Variants in SMO observed in about 807,000 individuals in gnomAD.
SMO encodes smoothened, frizzled class receptor.
SMO carries 40 observed loss-of-function variants against 81.6 expected under a neutral mutation model. The observed-to-expected ratio is 0.49, with a 90% confidence interval of 0.38 to 0.64. SMO has a LOEUF of 0.64. SMO is among the 30% of genes least tolerant of loss of function. The probability of loss-of-function intolerance (pLI) is 0.00; values close to 1 mark genes in which losing one functional copy is unlikely to be tolerated. For missense variants in SMO, 916 were observed against 1,061.1 expected (o/e 0.86, Z 1.90); for synonymous variants, 434 against 432.1 (o/e 1.00, Z -0.05).
Position 129,205,353 on chromosome 7 carries a change from A to G in SMO, c.688A>G (p.Met230Val), listed in dbSNP as rs1461296028. The G allele has an allele frequency of 1.2e-6, 2 of 1,613,968 alleles. No homozygotes were observed. Among genetic ancestry groups the G allele is most frequent in the Middle Eastern group, 1.6e-4 (1 of 6,062 alleles). ...PLFTEAEHQDMHSYIAAFGAV... is the reference protein window; with the variant it reads ...PLFTEAEHQDVHSYIAAFGAV... ...CTTCACAGAGGCTGAGCACCAGGACATGCACAGCTACATCGCGGCCTTCGG... is the reference window on the plus strand; with the variant it reads ...CTTCACAGAGGCTGAGCACCAGGACGTGCACAGCTACATCGCGGCCTTCGG... Residue 230 changes from methionine (M) to valine (V), a missense_variant, in exon 3 of 12, where the codon ATG becomes GTG. Coordinates refer to ENST00000249373, the MANE Select transcript of SMO (RefSeq NM_005631.5).
chr7:129,188,961 T>C lies in SMO; in HGVS notation c.-191T>C. On this transcript the variant is annotated 5_prime_UTR_variant, in exon 1 of 12. Coordinates refer to ENST00000249373, the MANE Select transcript of SMO (RefSeq NM_005631.5). This position sits in a 1 kb window ranked among gnomAD's most constrained non-coding sequence, Gnocchi z 4.9. ...CCGCAGCCCAACATGGGCCCCGGGT[T>C]CCAAAGTTTGCGAAGTTGGGCGCCG... 1 of 382,782 alleles carries C rather than the reference T, an allele frequency of 2.6e-6. No individual in the cohort carries two copies. The highest frequency in any genetic ancestry group is 3.9e-5 in the East Asian group (1 of 25,486). The allele number at this position is 382,782 out of a possible 1,614,324, so 23.7% of individuals were successfully genotyped here.
At chr7:129,196,278 GTTAC>G (rs1167764290) in intron 1 of SMO, among the ~76,000 whole-genome samples, 2 of 151,358 alleles carry the variant, frequency 1.3e-5, no homozygotes, top group Non-Finnish European at 2.9e-5. Flanking sequence ...GGGTAAGAAT[GTTAC>G]TTACAGAATA....
At chr7:129,199,862 A>C in intron 1 of SMO, among the ~76,000 whole-genome samples, 1 of 152,252 alleles carries the variant, frequency 6.6e-6, no homozygotes, top group Admixed American at 6.5e-5. Context: ...ACAGTGATAA[A>C]GATCAAAACA....
chr7:129,203,317 G>GTCTCCTCCCAA, intron 1 of SMO, 67 bp from the exon 2 acceptor site: 1 of 1,225,158 alleles, frequency 8.2e-7, no homozygotes, highest in Admixed American at 2.0e-5. Context: ...TGGAGGACAG[G>GTCTCCTCCCAA]GGTGAAGCTG....
Position 129,211,297 on chromosome 7 carries a change from C to G in SMO, c.1801+184C>G, listed in dbSNP as rs571015470. ...CTCCTACCCTCTGGGGGGCTCTCCC[C>G]TCTCTGTTTCTGCCCCTGGGTCTGC... On this transcript the variant is annotated intron_variant, in intron 10 of 11. Transcript: ENST00000249373. The surrounding 1 kb of genome is among the most constrained non-coding windows in gnomAD (Gnocchi z 4.6). 2.6e-6 allele frequency: 2 copies of G among 755,806 alleles called. No individual in the cohort carries two copies. Among genetic ancestry groups the G allele is most frequent in the African/African-American group, 3.4e-5 (2 of 58,268 alleles). 46.8% of individuals were successfully genotyped at this position (755,806 alleles called of 1,614,324 possible).
At chr7:129,204,866 C>T (rs911813263) in intron 2 of SMO, among the ~76,000 whole-genome samples, 20 of 145,332 alleles carry the variant, frequency 1.4e-4, no homozygotes, top group African/African-American at 4.8e-4. Context: ...AAAATTTAGC[C>T]GGGTGTGGTG....
At chr7:129,195,811 T>G (rs1440979870) in intron 1 of SMO, among the ~76,000 whole-genome samples, 1 of 152,238 alleles carries the variant, frequency 6.6e-6, no homozygotes, top group South Asian at 2.1e-4. Flanking sequence ...ATTAACATTA[T>G]GTACTGTGGG....
In SMO at chr7:129,210,521, T is replaced by G; in HGVS notation, c.1625T>G (p.Leu542Arg). The G allele has an allele frequency of 6.2e-7, 1 of 1,614,166 alleles. No individual in the cohort carries two copies. The highest frequency in any genetic ancestry group is 8.5e-7 in the Non-Finnish European group (1 of 1,179,984). The change falls in exon 9 of 12, where the codon CTG becomes CGG. Residue 542 changes from leucine to arginine, a missense_variant. This residue lies in a region of SMO where 436 missense variants were observed against 570.9 expected (regional missense o/e 0.76). Coordinates refer to ENST00000249373, the MANE Select transcript of SMO (RefSeq NM_005631.5). The surrounding 1 kb of genome is among the most constrained non-coding windows in gnomAD (Gnocchi z 4.7). Reference sequence around the variant, plus strand: ...ACCTGGGTCTGGACCAAGGCCACGCTGCTCATCTGGAGGCGTACCTGGTGC... The same window carrying G: ...ACCTGGGTCTGGACCAAGGCCACGCGGCTCATCTGGAGGCGTACCTGGTGC... ...MSTWVWTKATLLIWRRTWCRL... is the reference protein window; with the variant it reads ...MSTWVWTKATRLIWRRTWCRL...
chr7:129,206,352 A>G lies in SMO; in HGVS notation c.1123A>G (p.Ile375Val), dbSNP rs957422674. ...ACTCCCCTTTGTCCTCACTGTGGCA[A>G]TCCTTGCTGTGGCGCAGGTATAGTG... ...WSLPFVLTVA[I>V]LAVAQVDGDS... Residue 375 changes from isoleucine to valine, a missense_variant, in exon 5 of 12, where the codon ATC becomes GTC. Around this residue, in one of 4 missense-constraint regions of SMO, gnomAD observed 436 missense variants for 570.9 expected, o/e 0.76. Coordinates refer to ENST00000249373, the MANE Select transcript of SMO (RefSeq NM_005631.5). The surrounding 1 kb of genome is among the most constrained non-coding windows in gnomAD (Gnocchi z 4.4). The G allele has an allele frequency of 5.0e-6, 8 of 1,613,942 alleles. No homozygotes were observed. In the African/African-American group the frequency reaches 9.3e-5, roughly 19 times the overall value.
rs1319274889 is a variant in SMO, at chr7:129,189,323, C to A, written c.172C>A (p.Pro58Thr). 31 of 1,502,164 alleles carry A rather than the reference C, an allele frequency of 2.1e-5. No homozygotes were observed. The highest frequency in any genetic ancestry group is 2.7e-5 in the Non-Finnish European group (31 of 1,133,082). The allele number at this position is 1,502,164 out of a possible 1,614,324, so 93.1% of individuals were successfully genotyped here. The change falls in exon 1 of 12, where the codon CCG becomes ACG. Residue 58 changes from proline to threonine, a missense_variant. Pro to Thr is a conservative substitution (Grantham distance 38). Transcript: ENST00000249373. The surrounding 1 kb of genome is among the most constrained non-coding windows in gnomAD (Gnocchi z 4.7). ...ARRSAAVTGPPPPLSHCGRAA... is the reference protein window; with the variant it reads ...ARRSAAVTGPTPPLSHCGRAA... ...GAGGAGCGCGGCGGTGACTGGCCCT[C>A]CGCCGCCGCTGAGCCACTGCGGCCG...
rs764675802 is a variant in SMO, at chr7:129,189,460, C to G, written c.309C>G (p.His103Gln). The change falls in exon 1 of 12, where the codon CAC (histidine) becomes CAG (glutamine). Residue 103 changes from histidine to glutamine, a missense_variant. His to Gln is a conservative substitution (Grantham distance 24). Around this residue, in one of 4 missense-constraint regions of SMO, gnomAD observed 146 missense variants for 149.9 expected, o/e 0.97. Coordinates refer to ENST00000249373, the MANE Select transcript of SMO (RefSeq NM_005631.5). The surrounding 1 kb of genome is among the most constrained non-coding windows in gnomAD (Gnocchi z 4.7). Reference sequence around the variant, plus strand: ...ACTCGGACTCCCAGGAGGAAGCGCACGGCAAGCTCGTGCTCTGGTCGGGTA... The same window carrying G: ...ACTCGGACTCCCAGGAGGAAGCGCAGGGCAAGCTCGTGCTCTGGTCGGGTA... The part of the protein sequence containing the change: ...AGDSDSQEEA[H>Q]GKLVLWSGLR... 1.3e-6 allele frequency: 2 copies of G among 1,537,940 alleles called. No individual in the cohort carries two copies. The highest frequency in any genetic ancestry group is 8.7e-7 in the Non-Finnish European group (1 of 1,146,806).
Position 129,211,910 on chromosome 7 carries a change from C to G in SMO, c.1937-114C>G. 1 of 1,416,514 alleles carries G rather than the reference C, an allele frequency of 7.1e-7. No individual in the cohort carries two copies. Among genetic ancestry groups the G allele is most frequent in the Non-Finnish European group, 9.6e-7 (1 of 1,038,176 alleles). The allele number at this position is 1,416,514 out of a possible 1,614,324, so 87.7% of individuals were successfully genotyped here. On this transcript the variant is annotated intron_variant, in intron 11 of 11. Transcript: ENST00000249373. The surrounding 1 kb of genome is among the most constrained non-coding windows in gnomAD (Gnocchi z 4.6). ...GGATCTGAAGAGTGGGGCTGAGGCT[C>G]TAAGAGTCTAGAGACCTGGGCCCCA...
At chr7:129,190,533 G>A (rs776258131) in intron 1 of SMO, among the ~76,000 whole-genome samples, 1 of 152,248 alleles carries the variant, frequency 6.6e-6, no homozygotes, top group Non-Finnish European at 1.5e-5. Flanking sequence ...CAGGGCTGGG[G>A]TACCCCATCT....
chr7:129,201,481 G>A (rs1793668802), intron 1 of SMO, among the ~76,000 whole-genome samples: 2 of 152,072 alleles, frequency 1.3e-5, no homozygotes. Flanking sequence ...TCTAAGTTTA[G>A]ACAAACACAT....
rs2150653921 is a variant in SMO at position 129,210,491 on chromosome 7, T to C, written c.1595T>C (p.Met532Thr). 1.2e-6 allele frequency: 2 copies of C among 1,614,228 alleles called. No homozygotes were observed. The highest frequency in any genetic ancestry group is 1.7e-6 in the Non-Finnish European group (2 of 1,180,030). The change falls in exon 9 of 12, where the codon ATG becomes ACG. Residue 532 changes from methionine (M) to threonine (T), a missense_variant. By Grantham distance (81) the Met-to-Thr change is moderately conservative. Coordinates refer to ENST00000249373, the MANE Select transcript of SMO (RefSeq NM_005631.5). The surrounding 1 kb of genome is among the most constrained non-coding windows in gnomAD (Gnocchi z 4.7). Reference sequence around the variant, plus strand: ...GCCATGTTTGGAACTGGCATCGCCATGAGCACCTGGGTCTGGACCAAGGCC... The same window carrying C: ...GCCATGTTTGGAACTGGCATCGCCACGAGCACCTGGGTCTGGACCAAGGCC... ...LFAMFGTGIA[M>T]STWVWTKATL...
At chr7:129,205,016 A>AG (rs1793740000) in intron 2 of SMO, among the ~76,000 whole-genome samples, 187 bp from the exon 3 acceptor site, 1 of 151,082 alleles carries the variant, frequency 6.6e-6, no homozygotes, top group Non-Finnish European at 1.5e-5. Context: ...AAGAAAGAAA[A>AG]AAAGAAAGAA....
chr7:129,207,415 TA>T (rs60251968), intron 6 of SMO, among the ~76,000 whole-genome samples: 2,411 of 152,318 alleles, frequency 0.016, 72 homozygotes, highest in African/African-American at 0.056. Context: ...CATCCCATAG[TA>T]AGCCTCAGCA....
At chr7:129,199,390 C>T (rs1793630590) in intron 1 of SMO, among the ~76,000 whole-genome samples, 1 of 152,118 alleles carries the variant, frequency 6.6e-6, no homozygotes, top group Non-Finnish European at 1.5e-5. Context: ...CCATGTTGGC[C>T]AGGCTTGTGT....
rs2150652127 is a variant in SMO at position 129,208,742 on chromosome 7, G to A, written c.1265-17G>A. 6.4e-7 allele frequency: 1 copy of A among 1,568,068 alleles called. No individual in the cohort carries two copies. The highest frequency in any genetic ancestry group is 2.2e-5 in the East Asian group (1 of 44,642). ...AGCCTCACCCCTGCTAATGTCTGAG[G>A]TCCCCCTTCTGTTCAGGAGTCATGA... is the stretch of plus-strand genomic sequence containing the variant. On this transcript the variant is annotated splice_polypyrimidine_tract_variant and intron_variant, in intron 6 of 11. Transcript: ENST00000249373. The surrounding 1 kb of genome is among the most constrained non-coding windows in gnomAD (Gnocchi z 5.2).
Sources: allele counts gnomAD v4.1 joint callset (sites outside exome capture counted in the v4.1 genomes callset), GRCh38; gene constraint gnomAD v4.1.1; regional missense constraint gnomAD v4.1.1; non-coding constraint Gnocchi (gnomAD v3.1); transcripts MANE v1.5; gene names NCBI Gene and HGNC (gene_info 2026-07-23, HGNC 2026-07-21).